The following PLCG2 variants were observed in gnomAD, a reference collection of about 807,000 sequenced individuals.
PLCG2 encodes phospholipase C gamma 2.
PLCG2 carries 69 observed loss-of-function variants against 175.6 expected under a neutral mutation model. That is an observed-to-expected ratio of 0.39 (90% CI 0.32 to 0.48). The LOEUF (loss-of-function observed/expected upper bound fraction) is 0.48. Ranked by LOEUF, PLCG2 falls within the 20% of genes least tolerant of loss-of-function variation. PLCG2 has a pLI of 0.91. For synonymous variants in PLCG2, 827 were observed against 624.0 expected (o/e 1.33, Z -4.85); for missense variants, 1,798 against 1,650.9 (o/e 1.09, Z -1.54).
intron 1 of PLCG2, among the ~76,000 whole-genome samples, chr16:81,748,696 A>G (rs1006292785): frequency 6.6e-6 from 1 of 152,200 alleles, no homozygotes; most frequent in Non-Finnish European, 1.5e-5. Context: ...TGTGGTCAGA[A>G]AACCCCAGAC....
intron 2 of PLCG2, among the ~76,000 whole-genome samples, chr16:81,834,974 C>T (rs1905438138): frequency 3.9e-5 from 6 of 152,044 alleles, no homozygotes; most frequent in Admixed American, 3.9e-4. Context: ...GAGAACAGAC[C>T]CTGTGGGCAG....
At chr16:81,768,711 T>C (rs1910207796) in intron 2 of PLCG2, among the ~76,000 whole-genome samples, 1 of 151,758 alleles carries the variant, frequency 6.6e-6, no homozygotes, top group Non-Finnish European at 1.5e-5. Flanking sequence ...GATTACAGGT[T>C]TCCCCCACCA....
chr16:81,921,316 T>G (rs754721306), intron 21 of PLCG2, 47 bp downstream of exon 21: 4 of 1,185,980 alleles, frequency 3.4e-6, no homozygotes, highest in Non-Finnish European at 5.1e-6. Flanking sequence ...GTCACGAGGC[T>G]GATGTGGATT....
intron 2 of PLCG2, among the ~76,000 whole-genome samples, chr16:81,840,820 AG>A (rs1321897970): frequency 2.6e-5 from 4 of 152,306 alleles, no homozygotes; most frequent in Admixed American, 1.3e-4. Flanking sequence ...CCGAGTGGCA[AG>A]GAACAGGGCA....
chr16:81,908,602 C>T lies in PLCG2; in HGVS notation c.1733+11C>T, dbSNP rs750585339. 52 of 1,598,182 alleles carry T rather than the reference C, an allele frequency of 3.3e-5. 1 individual carries two copies. The Admixed American group carries it at 4.7e-4, about 15-fold the overall frequency. On this transcript the variant is annotated intron_variant, in intron 17 of 32. Transcript: ENST00000564138. Reference sequence around the variant, plus strand: ...CACCCTGTCCTTCTGGTAATGCCCCCGACCCAGGGAACGCCTACCTTCTTC... The same window carrying T: ...CACCCTGTCCTTCTGGTAATGCCCCTGACCCAGGGAACGCCTACCTTCTTC...
chr16:81,826,934 C>A (rs1905071796), intron 2 of PLCG2, among the ~76,000 whole-genome samples: 2 of 152,160 alleles, frequency 1.3e-5, no homozygotes, highest in African/African-American at 4.8e-5. Context: ...GCAGAACCAG[C>A]CTCCTGCCTC....
Position 81,936,274 on chromosome 16 carries a change from C to T in PLCG2, c.2948C>T (p.Thr983Ile), listed in dbSNP as rs1910708985. ...CTGAAGTACAATCAAAAGGGCCTGA[C>T]CCGCGTCTACCCAAAGGGACAAAGA... is the stretch of plus-strand genomic sequence containing the variant. The part of the protein sequence containing the change: ...DLLKYNQKGL[T>I]RVYPKGQRVD... The change falls in exon 27 of 33, where the codon ACC becomes ATC. Residue 983 changes from threonine to isoleucine, a missense_variant. By Grantham distance (89) the Thr-to-Ile change is moderately conservative. Transcript: ENST00000564138. 1 of 1,614,202 alleles carries T rather than the reference C, an allele frequency of 6.2e-7. No individual in the cohort carries two copies. Among genetic ancestry groups the T allele is most frequent in the Non-Finnish European group, 8.5e-7 (1 of 1,180,030 alleles).
intron 1 of PLCG2, among the ~76,000 whole-genome samples, chr16:81,750,323 G>T (rs1909782698): frequency 6.7e-6 from 1 of 149,524 alleles, no homozygotes; most frequent in Non-Finnish European, 1.5e-5. Flanking sequence ...AGGAGGTTGA[G>T]ACAGAAGAAT....
At chr16:81,826,391 A>G (rs8061071) in intron 2 of PLCG2, among the ~76,000 whole-genome samples, 8,006 of 152,242 alleles carry the variant, frequency 0.053, 381 homozygotes, top group African/African-American at 0.12. Context: ...GTCCATGGGC[A>G]GGTTCCCTGG....
chr16:81,883,233 T>A, intron 8 of PLCG2, 36 bp from the exon 9 acceptor site: 1 of 1,593,186 alleles, frequency 6.3e-7, no homozygotes, highest in East Asian at 2.2e-5. Flanking sequence ...GTTGAATGTG[T>A]CTGTCTCTAA....
chr16:81,741,421 A>AT (rs1366519595), intron 1 of PLCG2, among the ~76,000 whole-genome samples: 3 of 151,996 alleles, frequency 2.0e-5, no homozygotes, highest in Non-Finnish European at 2.9e-5. Context: ...CAGGAGGAAG[A>AT]TTTTTTTTCC....
At chr16:81,862,819 C>T (rs939648211) in intron 5 of PLCG2, among the ~76,000 whole-genome samples, 2 of 152,082 alleles carry the variant, frequency 1.3e-5, no homozygotes, top group African/African-American at 4.8e-5. Context: ...CTGCAGTGAA[C>T]CATGATTGTG....
At chr16:81,802,791 G>C (rs1337525702) in intron 2 of PLCG2, among the ~76,000 whole-genome samples, 1 of 151,968 alleles carries the variant, frequency 6.6e-6, no homozygotes, top group Non-Finnish European at 1.5e-5. Context: ...GGCTGGTCTC[G>C]AACTCCTGAC....
rs955742792 is a variant in PLCG2 at position 81,961,580 on chromosome 16, G to A, written c.*3582G>A. The A allele has an allele frequency of 4.6e-6, 1 of 215,646 alleles. No homozygotes were observed. The highest frequency in any genetic ancestry group is 9.3e-6 in the Non-Finnish European group (1 of 107,282). 13.4% of individuals were successfully genotyped at this position (215,646 alleles called of 1,614,324 possible). A position where few individuals can be genotyped will look rare whatever the true frequency, so the allele number is the denominator to read the frequency against. On this transcript the variant is annotated 3_prime_UTR_variant, in exon 33 of 33. Transcript: ENST00000564138. ...TAGGCTAAAATTTTGAGGGAGAAGT[G>A]GTATGAAAATACAAATTCAAGGAGT...
At chr16:81,880,055 C>T (rs1034841394) in intron 7 of PLCG2, among the ~76,000 whole-genome samples, 1 of 152,278 alleles carries the variant, frequency 6.6e-6, no homozygotes, top group Non-Finnish European at 1.5e-5. Context: ...TCCTGGGCAA[C>T]ATAGTAAGAC....
At chr16:81,802,288 A>G (rs1201931683) in intron 2 of PLCG2, among the ~76,000 whole-genome samples, 2 of 149,492 alleles carry the variant, frequency 1.3e-5, no homozygotes, top group African/African-American at 2.5e-5. Context: ...AATTTTTTGT[A>G]TTTTTAGTAG....
At chr16:81,844,872 A>G (rs1042481691) in intron 2 of PLCG2, among the ~76,000 whole-genome samples, 1 of 152,172 alleles carries the variant, frequency 6.6e-6, no homozygotes, top group African/African-American at 2.4e-5. Context: ...AGTTTTTGTC[A>G]TGTCGGTACA....
chr16:81,803,128 T>G (rs1359498473), intron 2 of PLCG2, among the ~76,000 whole-genome samples: 2 of 138,458 alleles, frequency 1.4e-5, no homozygotes, highest in African/African-American at 5.2e-5. Context: ...TTTTTTTTTT[T>G]TTTTTTGTGA....
At chr16:81,886,011 A>G (rs1283496064) in intron 9 of PLCG2, among the ~76,000 whole-genome samples, 1 of 152,214 alleles carries the variant, frequency 6.6e-6, no homozygotes, top group Non-Finnish European at 1.5e-5. Context: ...CTGGTGCTAG[A>G]GTGAGGTAGA....
Sources: allele counts gnomAD v4.1 joint callset (sites outside exome capture counted in the v4.1 genomes callset), GRCh38; gene constraint gnomAD v4.1.1; transcripts MANE v1.5; gene names NCBI Gene and HGNC (gene_info 2026-07-23, HGNC 2026-07-21).